Variants in PTCRA observed in about 807,000 individuals in gnomAD.
The protein encoded by PTCRA is pre T cell antigen receptor alpha, also known as pre T-cell antigen receptor alpha.
A neutral mutation model predicts 13.4 loss-of-function variants in PTCRA; 9 were observed. The observed-to-expected ratio is 0.67, with a 90% CI of 0.41 to 1.18. The LOEUF is 1.18. Among genes scored for constraint, PTCRA ranks in the 50% most tolerant of loss-of-function variants. PTCRA has a pLI of 0.01. For missense variants in PTCRA, 353 were observed against 359.8 expected (o/e 0.98, Z 0.15); for synonymous variants, 153 against 161.9 (o/e 0.94, Z 0.42).
In PTCRA at chr6:42,923,205, C is replaced by T; in HGVS notation, c.237C>T (p.Ser79=). Residue 79 remains serine (S), a synonymous_variant, in exon 2 of 4, where the codon TCC becomes TCT. Coordinates refer to ENST00000304672, the MANE Select transcript of PTCRA (RefSeq NM_138296.3). ...TGGATGCCTTCACCTATGGCCCTTC[C>T]CCAGCAACGGATGGCACCTGGACCA... ...SALDAFTYGP[S]PATDGTWTNL... is the part of the protein sequence containing the mutation. 1 of 1,614,260 alleles carries T rather than the reference C, an allele frequency of 6.2e-7. No individual in the cohort carries two copies.
chr6:42,921,188 G>A (rs1767139361), intron 1 of PTCRA, among the ~76,000 whole-genome samples: 1 of 151,580 alleles, frequency 6.6e-6, no homozygotes. Context: ...TGCAACCTCC[G>A]CCTCTGGGTT....
In PTCRA at chr6:42,925,498, G is replaced by A; in HGVS notation, c.662G>A (p.Gly221Asp). 1 of 1,566,606 alleles carries A rather than the reference G, an allele frequency of 6.4e-7. No individual in the cohort carries two copies. The highest frequency in any genetic ancestry group is 8.7e-7 in the Non-Finnish European group (1 of 1,154,774). ...CCCCAGCCTCGGGACCGCCGCTGGG[G>A]TGACACCCCTCCGGGTCGGAAGCCC... is the stretch of plus-strand genomic sequence containing the variant. ...PRPQPRDRRW[G>D]DTPPGRKPGS... Residue 221 changes from glycine to aspartate, a missense_variant, in exon 4 of 4, where the codon GGT (glycine) becomes GAT (aspartate). Coordinates refer to ENST00000304672, the MANE Select transcript of PTCRA (RefSeq NM_138296.3). This position sits in a 1 kb window ranked among gnomAD's most constrained non-coding sequence, Gnocchi z 4.4.
At chr6:42,924,169 A>T in intron 2 of PTCRA, 60 bp from the exon 3 acceptor site, 1 of 1,450,408 alleles carries the variant, frequency 6.9e-7, no homozygotes, top group South Asian at 1.3e-5. Flanking sequence ...AGCACTGGGG[A>T]TGCCCTCCAG....
chr6:42,922,969 T>C (rs1053481145), intron 1 of PTCRA, 58 bp from the exon 2 acceptor site: 7 of 1,526,698 alleles, frequency 4.6e-6, no homozygotes, highest in Admixed American at 1.7e-5. Flanking sequence ...TACAACACAA[T>C]GCTGGCCTGG....
chr6:42,924,179 G>C, intron 2 of PTCRA, 50 bp from the exon 3 acceptor site: 1 of 1,518,838 alleles, frequency 6.6e-7, no homozygotes, highest in Non-Finnish European at 8.9e-7. Flanking sequence ...ATGCCCTCCA[G>C]AGTGCATGGC....
intron 2 of PTCRA, 106 bp from the exon 3 acceptor site, chr6:42,924,123 T>C: frequency 1.0e-6 from 1 of 960,900 alleles, no homozygotes; most frequent in African/African-American, 1.7e-5. Context: ...TTACCCCAAA[T>C]GCCTCGACAC....
chr6:42,916,596 G>T (rs559604135), intron 1 of PTCRA, among the ~76,000 whole-genome samples: 1 of 152,254 alleles, frequency 6.6e-6, no homozygotes, highest in South Asian at 2.1e-4. Flanking sequence ...GGTGTCTCAA[G>T]TTCACTCACA....
intron 2 of PTCRA, 68 bp downstream of exon 2, chr6:42,923,415 G>A: frequency 6.7e-7 from 1 of 1,481,770 alleles, no homozygotes; most frequent in Non-Finnish European, 9.3e-7. Flanking sequence ...TATGGTTGGA[G>A]GGAGGGCAGG....
intron 2 of PTCRA, among the ~76,000 whole-genome samples, chr6:42,923,782 G>C (rs1767301537): frequency 6.6e-6 from 1 of 152,182 alleles, no homozygotes; most frequent in African/African-American, 2.4e-5. Flanking sequence ...GCACAGGGAG[G>C]TTAAGCAACA....
intron 1 of PTCRA, among the ~76,000 whole-genome samples, chr6:42,920,676 T>C (rs947361929): frequency 1.3e-5 from 2 of 152,188 alleles, no homozygotes; most frequent in Non-Finnish European, 1.5e-5. Flanking sequence ...CCACCCACCT[T>C]GGCCTCCCAA....
chr6:42,920,501 T>C (rs986072893), intron 1 of PTCRA, among the ~76,000 whole-genome samples: 13 of 150,844 alleles, frequency 8.6e-5, no homozygotes, highest in African/African-American at 3.2e-4. Flanking sequence ...CTTGGCTCAC[T>C]GCGAGCTCCG....
At chr6:42,918,913 C>A (rs901981044) in intron 1 of PTCRA, among the ~76,000 whole-genome samples, 2 of 151,782 alleles carry the variant, frequency 1.3e-5, no homozygotes, top group African/African-American at 2.4e-5. Flanking sequence ...CCTCAGCCTC[C>A]CGAGTAGCTG....
rs534324250 is a variant in PTCRA at position 42,924,331 on chromosome 6, G to A, written c.424+58G>A. 54 of 1,463,372 alleles carry A rather than the reference G, an allele frequency of 3.7e-5. 1 individual carries two copies. The highest frequency in any genetic ancestry group is 8.4e-5 in the African/African-American group (6 of 71,488). The allele number at this position is 1,463,372 out of a possible 1,614,324, so 90.6% of individuals were successfully genotyped here. On this transcript the variant is annotated intron_variant, in intron 3 of 3. Transcript: ENST00000304672. ...AGGCTGGGACCAGGACCTTGGGCCC[G>A]GGGGGTGGGGCCTTCAGCTCTGGCC...
chr6:42,922,850 G>A (rs974171089), intron 1 of PTCRA, among the ~76,000 whole-genome samples, 177 bp from the exon 2 acceptor site: 1 of 152,114 alleles, frequency 6.6e-6, no homozygotes, highest in Non-Finnish European at 1.5e-5. Flanking sequence ...GGAAGGAAGG[G>A]TGGCTAGATG....
At position 42,925,541 on chromosome 6, in the gene PTCRA, G is replaced by A; in HGVS notation, c.705G>A (p.Gly235=). Residue 235 remains glycine (G), a synonymous_variant, in exon 4 of 4, where the codon GGG becomes GGA. Coordinates refer to ENST00000304672, the MANE Select transcript of PTCRA (RefSeq NM_138296.3). The surrounding 1 kb of genome is among the most constrained non-coding windows in gnomAD (Gnocchi z 4.4). ...PGRKPGSPVW[G]EGSYLSSYPT... is the part of the protein sequence containing the mutation. ...GGAAGCCCGGGAGCCCAGTATGGGG[G>A]GAAGGGTCTTACCTCAGCAGTTACC... is the stretch of plus-strand genomic sequence containing the variant. 1.3e-6 allele frequency: 2 copies of A among 1,591,142 alleles called. No homozygotes were observed. Among genetic ancestry groups the A allele is most frequent in the Non-Finnish European group, 1.7e-6 (2 of 1,167,848 alleles).
At chr6:42,924,183 G>A (rs765816043) in intron 2 of PTCRA, 46 bp from the exon 3 acceptor site, 6 of 1,553,278 alleles carry the variant, frequency 3.9e-6, no homozygotes, top group Non-Finnish European at 5.3e-6. Flanking sequence ...CCTCCAGAGT[G>A]CATGGCCCAT....
chr6:42,919,297 G>A (rs185286452), intron 1 of PTCRA, among the ~76,000 whole-genome samples: 86 of 152,146 alleles, frequency 5.7e-4, no homozygotes, highest in Non-Finnish European at 1.0e-3. Flanking sequence ...CCTGGCCTAG[G>A]CTAATTATTT....
intron 1 of PTCRA, chr6:42,922,337 T>TA: frequency 7.3e-6 from 5 of 683,714 alleles, no homozygotes; most frequent in Non-Finnish European, 1.1e-5. Context: ...GACAATGACT[T>TA]ACCCAATGTT....
chr6:42,917,770 G>A (rs1023689853), intron 1 of PTCRA, among the ~76,000 whole-genome samples: 7 of 149,326 alleles, frequency 4.7e-5, no homozygotes, highest in East Asian at 4.1e-4. Context: ...GGCTGGTCCC[G>A]AACTCCTGAC....
Sources: allele counts gnomAD v4.1 joint callset (sites outside exome capture counted in the v4.1 genomes callset), GRCh38; gene constraint gnomAD v4.1.1; non-coding constraint Gnocchi (gnomAD v3.1); transcripts MANE v1.5; gene names NCBI Gene and HGNC (gene_info 2026-07-23, HGNC 2026-07-21).